Variants in RPH3A observed in about 807,000 individuals in gnomAD.
RPH3A encodes rabphilin-3A.
In RPH3A, 48 loss-of-function variants were observed where a neutral mutation model predicts 102.2. The ratio of observed to expected loss-of-function variants is 0.47; its 90% CI spans 0.37 to 0.60. The LOEUF is 0.60. Among genes scored for constraint, RPH3A ranks in the 20% least tolerant of loss-of-function variants. The probability of loss-of-function intolerance (pLI) is 0.00; values close to 1 mark genes in which losing one functional copy is unlikely to be tolerated. For missense variants in RPH3A, 781 were observed against 910.1 expected, an observed-to-expected ratio of 0.86 and a Z score of 1.83; for synonymous variants, 310 against 324.3, an observed-to-expected ratio of 0.96 and a Z score of 0.47.
At chr12:112,744,964 C>T (rs1274425078) in intron 1 of RPH3A, among the ~76,000 whole-genome samples, 1 of 152,162 alleles carries the variant, frequency 6.6e-6, no homozygotes, top group Non-Finnish European at 1.5e-5. Flanking sequence ...TCATCTAATC[C>T]ACAGCTTATT....
At chr12:112,851,605 T>C (rs2042324032) in intron 5 of RPH3A, among the ~76,000 whole-genome samples, 1 of 152,204 alleles carries the variant, frequency 6.6e-6, no homozygotes, top group Non-Finnish European at 1.5e-5. Context: ...AAGGGTTAGC[T>C]GTCCCAGGGA....
At chr12:112,651,982 T>G (rs1014328999) in intron 1 of RPH3A, among the ~76,000 whole-genome samples, 3 of 152,224 alleles carry the variant, frequency 2.0e-5, no homozygotes, top group Non-Finnish European at 2.9e-5. Context: ...CACATTTTGT[T>G]TTCCACCCAT....
chr12:112,715,063 G>T (rs2040504398), intron 1 of RPH3A, among the ~76,000 whole-genome samples: 1 of 152,078 alleles, frequency 6.6e-6, no homozygotes, highest in Admixed American at 6.5e-5. Context: ...CTTAGCGTTT[G>T]TACTATTTAA....
At chr12:112,734,080 C>G (rs2040652397) in intron 1 of RPH3A, among the ~76,000 whole-genome samples, 1 of 152,206 alleles carries the variant, frequency 6.6e-6, no homozygotes, top group Non-Finnish European at 1.5e-5. Context: ...GGGGAAGTCA[C>G]TTGCCCAAGT....
At chr12:112,636,598 A>G (rs868502831) in intron 1 of RPH3A, among the ~76,000 whole-genome samples, 2 of 152,316 alleles carry the variant, frequency 1.3e-5, no homozygotes, top group Middle Eastern at 3.4e-3. Flanking sequence ...CAGGATACCA[A>G]CAGTGCCTCT....
chr12:112,602,210 TG>T (rs144490062), intron 1 of RPH3A, among the ~76,000 whole-genome samples: 1 of 152,324 alleles, frequency 6.6e-6, no homozygotes, highest in Non-Finnish European at 1.5e-5. Context: ...GGGAGGGTTT[TG>T]TTGGCCTCTT....
chr12:112,685,602 C>T (rs535116736), intron 1 of RPH3A, among the ~76,000 whole-genome samples: 99 of 152,262 alleles, frequency 6.5e-4, no homozygotes, highest in African/African-American at 2.3e-3. Context: ...TTTTAAGGGT[C>T]GTCTAGTCCT....
chr12:112,896,015 T>G (rs1172085872), intron 21 of RPH3A, 142 bp downstream of exon 21: 2 of 616,578 alleles, frequency 3.2e-6, no homozygotes, highest in African/African-American at 3.7e-5. Context: ...AGACCCATGA[T>G]CTTGACCTTG....
At chr12:112,813,984 T>A (rs2041627286) in intron 2 of RPH3A, among the ~76,000 whole-genome samples, 1 of 149,464 alleles carries the variant, frequency 6.7e-6, no homozygotes, top group Admixed American at 6.7e-5. Context: ...GAGTTGAGAG[T>A]GGTTGGAGAG....
intron 5 of RPH3A, among the ~76,000 whole-genome samples, chr12:112,853,662 C>G (rs1416622326): frequency 6.6e-6 from 1 of 152,064 alleles, no homozygotes; most frequent in Non-Finnish European, 1.5e-5. Flanking sequence ...AATCCTATCT[C>G]TACTAAAAAT....
intron 1 of RPH3A, among the ~76,000 whole-genome samples, chr12:112,643,005 C>T (rs572869732): frequency 6.6e-6 from 1 of 152,276 alleles, no homozygotes; most frequent in South Asian, 2.1e-4. Context: ...CAGCACCCCT[C>T]CCCTCCAAGA....
chr12:112,889,971 G>T, intron 17 of RPH3A, 53 bp from the exon 18 acceptor site: 1 of 1,546,360 alleles, frequency 6.5e-7, no homozygotes, highest in Non-Finnish European at 8.9e-7. Context: ...TTCTTGCGCA[G>T]GAAGATGAGC....
intron 4 of RPH3A, among the ~76,000 whole-genome samples, chr12:112,841,795 G>A (rs1285803649): frequency 1.3e-5 from 2 of 151,618 alleles, no homozygotes; most frequent in Admixed American, 6.6e-5. Flanking sequence ...AAATCTGGGA[G>A]CTGCAGGAAG....
intron 1 of RPH3A, among the ~76,000 whole-genome samples, chr12:112,677,479 TTCCTTCCC>T (rs2040188152): frequency 7.6e-6 from 1 of 132,036 alleles, no homozygotes; most frequent in Admixed American, 7.7e-5. Flanking sequence ...CCTTCCTTCC[TTCCTTCCC>T]TCTTTCTCTT....
chr12:112,827,879 C>A (rs1445039662), intron 2 of RPH3A, among the ~76,000 whole-genome samples: 6 of 142,572 alleles, frequency 4.2e-5, no homozygotes, highest in African/African-American at 1.6e-4. Context: ...CATATGTATC[C>A]CGGAACTTAA....
At chr12:112,858,574 C>T (rs528831175) in intron 5 of RPH3A, among the ~76,000 whole-genome samples, 98 of 152,310 alleles carry the variant, frequency 6.4e-4, no homozygotes, top group South Asian at 2.1e-3. Flanking sequence ...ACTTGTCCTT[C>T]AGGGGACTTA....
At chr12:112,776,301 A>G (rs927362159) in intron 1 of RPH3A, among the ~76,000 whole-genome samples, 1 of 152,214 alleles carries the variant, frequency 6.6e-6, no homozygotes, top group Non-Finnish European at 1.5e-5. Context: ...AGAAACCACT[A>G]CAAAAAACCC....
At chr12:112,659,516 GCA>G (rs1164260014) in intron 1 of RPH3A, among the ~76,000 whole-genome samples, 2 of 152,132 alleles carry the variant, frequency 1.3e-5, no homozygotes, top group African/African-American at 4.8e-5. Flanking sequence ...TTGTGGGGTG[GCA>G]CATGATTTTG....
intron 5 of RPH3A, among the ~76,000 whole-genome samples, chr12:112,853,761 G>A (rs2042364523): frequency 6.6e-6 from 1 of 152,066 alleles, no homozygotes; most frequent in East Asian, 1.9e-4. Flanking sequence ...TCAGGAAGCA[G>A]AGGTGACAGT....
Sources: gnomAD v4.1 joint callset for allele counts (sites outside exome capture counted in the v4.1 genomes callset) on GRCh38, gnomAD v4.1.1 for gene constraint, MANE v1.5 for transcripts, NCBI Gene and HGNC (gene_info 2026-07-23, HGNC 2026-07-21) for gene names.